The following BNC2 variants were observed in gnomAD, a reference collection of about 807,000 sequenced individuals.
The protein encoded by BNC2 is basonuclin zinc finger protein 2.
BNC2 carries 20 observed loss-of-function variants against 76.3 expected under a neutral mutation model. The observed-to-expected ratio is 0.26, with a 90% CI of 0.18 to 0.38. The LOEUF is 0.38. BNC2 is among the 10% of genes least tolerant of loss of function. BNC2 has a pLI of 1.00. For synonymous variants in BNC2, 582 were observed against 514.8 expected, an observed-to-expected ratio of 1.13 and a Z score of -1.77; for missense variants, 1,382 against 1,399.8, an observed-to-expected ratio of 0.99 and a Z score of 0.20.
rs535196854 is a variant in BNC2, at chr9:16,437,378, A to G, written c.816T>C (p.Ala272=). The G allele has an allele frequency of 6.2e-7, 1 of 1,612,736 alleles. No homozygotes were observed. ...CTGAGTCTGTCTTTGAAGATGGTAC[A>G]GCCACGGCCTGCCCTTCTTTCTCCT... ...AIQEKEGQAV[A]VPSSKTDSDI... is the part of the protein sequence containing the mutation. Residue 272 remains alanine, a synonymous_variant, in exon 6 of 7, where the codon GCT becomes GCC. Coordinates refer to ENST00000380672, the MANE Select transcript of BNC2 (RefSeq NM_017637.6).
intron 1 of BNC2, among the ~76,000 whole-genome samples, chr9:16,774,824 T>C (rs1825919909): frequency 6.6e-6 from 1 of 152,206 alleles, no homozygotes; most frequent in Non-Finnish European, 1.5e-5. Flanking sequence ...CCTGAGTGCT[T>C]TAAGCCTCTG....
Position 16,412,108 on chromosome 9 carries a change from C to G in BNC2, c.*6881G>C, listed in dbSNP as rs1820473515. 1 of 152,644 alleles carries G rather than the reference C, an allele frequency of 6.6e-6. No homozygotes were observed. The highest frequency in any genetic ancestry group is 2.1e-4 in the South Asian group (1 of 4,822). 9.5% of individuals were successfully genotyped at this position (152,644 alleles called of 1,614,324 possible). On this transcript the variant is annotated 3_prime_UTR_variant, in exon 7 of 7. Transcript: ENST00000380672. The stretch of plus-strand genomic sequence containing the variant: ...CCATCACTCGATTTTCTAAAGCTCC[C>G]TGTACTTGTACTTACCAAAGTTCTT...
intron 3 of BNC2, among the ~76,000 whole-genome samples, chr9:16,690,153 C>T (rs183905020): frequency 3.3e-5 from 5 of 152,128 alleles, no homozygotes; most frequent in Admixed American, 2.6e-4. Context: ...AACCTAAGGG[C>T]GAAGAAGGAA....
intron 3 of BNC2, among the ~76,000 whole-genome samples, chr9:16,699,762 T>C (rs1399367114): frequency 6.6e-6 from 1 of 152,174 alleles, no homozygotes; most frequent in Non-Finnish European, 1.5e-5. Flanking sequence ...TTTTACAAAG[T>C]CACATAGGAA....
chr9:16,735,621 C>G (rs561706535), intron 2 of BNC2, among the ~76,000 whole-genome samples: 1 of 151,892 alleles, frequency 6.6e-6, no homozygotes, highest in Non-Finnish European at 1.5e-5. Context: ...CTCAGCCTAC[C>G]GAGTAGCTGG....
At chr9:16,825,553 G>T (rs1586914452) in intron 1 of BNC2, among the ~76,000 whole-genome samples, 1 of 152,022 alleles carries the variant, frequency 6.6e-6, no homozygotes, top group Non-Finnish European at 1.5e-5. Flanking sequence ...TGGCATGTAT[G>T]CTGAATTTCA....
chr9:16,525,233 G>A (rs1006579311), intron 5 of BNC2, among the ~76,000 whole-genome samples: 1 of 151,726 alleles, frequency 6.6e-6, no homozygotes, highest in African/African-American at 2.4e-5. Context: ...CAATCAAAAG[G>A]TAATAAAACC....
At chr9:16,539,579 G>C (rs1427431396) in intron 5 of BNC2, among the ~76,000 whole-genome samples, 4 of 96,928 alleles carry the variant, frequency 4.1e-5, no homozygotes, top group African/African-American at 1.9e-4. Context: ...GAGAGAGACA[G>C]AGAAGGGAGG....
chr9:16,844,615 C>T (rs1472970692), intron 1 of BNC2, among the ~76,000 whole-genome samples: 1 of 150,658 alleles, frequency 6.6e-6, no homozygotes, highest in Non-Finnish European at 1.5e-5. Context: ...CTTCCTGCCT[C>T]AGCCTCCCGA....
chr9:16,869,458 A>T, intron 1 of BNC2, among the ~76,000 whole-genome samples: 1 of 152,024 alleles, frequency 6.6e-6, no homozygotes, highest in East Asian at 1.9e-4. Flanking sequence ...TGACAGTCCC[A>T]TCTCCTACAC....
intron 3 of BNC2, among the ~76,000 whole-genome samples, chr9:16,696,933 G>T (rs1377514501): frequency 1.3e-5 from 2 of 152,154 alleles, no homozygotes; most frequent in African/African-American, 4.8e-5. Flanking sequence ...TTGATCTGTG[G>T]TATATTTCTG....
At chr9:16,605,420 A>G (rs1018541655) in intron 3 of BNC2, among the ~76,000 whole-genome samples, 2 of 152,234 alleles carry the variant, frequency 1.3e-5, no homozygotes, top group African/African-American at 2.4e-5. Context: ...GGTAAAAACA[A>G]CAACAAAGCA....
intron 1 of BNC2, among the ~76,000 whole-genome samples, chr9:16,842,988 G>A (rs1262779747): frequency 1.1e-4 from 16 of 152,150 alleles, no homozygotes. Flanking sequence ...ATAACCTCAA[G>A]TGAAGGCCTG....
chr9:16,497,570 A>C (rs1164134778), intron 5 of BNC2, among the ~76,000 whole-genome samples: 1 of 152,304 alleles, frequency 6.6e-6, no homozygotes. Context: ...TGGACCTAAA[A>C]GTTTGGTGGG....
intron 5 of BNC2, among the ~76,000 whole-genome samples, chr9:16,441,395 C>T (rs567569537): frequency 4.6e-5 from 7 of 152,346 alleles, no homozygotes; most frequent in African/African-American, 1.7e-4. Flanking sequence ...ATTGATCTTA[C>T]ACAACCTAAC....
chr9:16,655,139 C>G (rs576047025), intron 3 of BNC2, among the ~76,000 whole-genome samples: 1 of 151,640 alleles, frequency 6.6e-6, no homozygotes, highest in Non-Finnish European at 1.5e-5. Flanking sequence ...CCACATTATG[C>G]TTCATATTAC....
At chr9:16,638,825 C>G (rs1024672148) in intron 3 of BNC2, among the ~76,000 whole-genome samples, 6 of 152,058 alleles carry the variant, frequency 3.9e-5, no homozygotes, top group Admixed American at 3.9e-4. Flanking sequence ...TCTTTCTAAA[C>G]GCACATAAAT....
intron 4 of BNC2, among the ~76,000 whole-genome samples, chr9:16,567,315 T>C (rs751804356): frequency 2.6e-5 from 4 of 151,988 alleles, no homozygotes; most frequent in Admixed American, 6.6e-5. Context: ...GGGTAATAAA[T>C]GTAAAGTAAT....
intron 1 of BNC2, among the ~76,000 whole-genome samples, chr9:16,817,564 G>A (rs979739635): frequency 3.3e-5 from 5 of 152,160 alleles, no homozygotes; most frequent in African/African-American, 1.2e-4. Context: ...AAACCCACAA[G>A]GCTGATGTGG....
Sources: gnomAD v4.1 joint callset for allele counts (sites outside exome capture counted in the v4.1 genomes callset) on GRCh38, gnomAD v4.1.1 for gene constraint, MANE v1.5 for transcripts, NCBI Gene and HGNC (gene_info 2026-07-23, HGNC 2026-07-21) for gene names.